The following TNFRSF10A variants were observed in gnomAD, a reference collection of about 807,000 sequenced individuals.
TNFRSF10A encodes the protein TNF receptor superfamily member 10a.
TNFRSF10A carries 44 observed loss-of-function variants against 42.8 expected under a neutral mutation model. The ratio of observed to expected loss-of-function variants is 1.03; its 90% CI spans 0.81 to 1.32. The LOEUF is 1.32. Among genes scored for constraint, TNFRSF10A ranks in the 40% most tolerant of loss-of-function variants. The probability of loss-of-function intolerance (pLI) is 0.00; values close to 1 mark genes in which losing one functional copy is unlikely to be tolerated. For missense variants in TNFRSF10A, 680 were observed against 602.0 expected (o/e 1.13, Z -1.36); for synonymous variants, 259 against 234.2 (o/e 1.11, Z -0.97).
At chr8:23,218,745 C>T (rs1436070008) in intron 1 of TNFRSF10A, among the ~76,000 whole-genome samples, 2 of 152,214 alleles carry the variant, frequency 1.3e-5, no homozygotes, top group Non-Finnish European at 1.5e-5. Flanking sequence ...GACCCAATCA[C>T]TGCTGCTGCC....
intron 2 of TNFRSF10A, among the ~76,000 whole-genome samples, chr8:23,210,168 A>T (rs1801072908): frequency 6.6e-6 from 1 of 152,204 alleles, no homozygotes; most frequent in Admixed American, 6.6e-5. Context: ...TTCTGCAGCC[A>T]CATGGAACTG....
rs776856323 is a variant in TNFRSF10A, at chr8:23,201,925, G to A, written c.518-6C>T. 18 of 1,612,366 alleles carry A rather than the reference G, an allele frequency of 1.1e-5. No homozygotes were observed. The South Asian group carries it at 1.4e-4, about 13-fold the overall frequency. ...GGGACTTCTCTCTTCTTCATCTGAT[G>A]ACAGAGTACAAGGTTTTGGGAATGT... On this transcript the variant is annotated splice_polypyrimidine_tract_variant and splice_region_variant and intron_variant, in intron 3 of 9. Coordinates refer to ENST00000221132, the MANE Select transcript of TNFRSF10A (RefSeq NM_003844.4).
chr8:23,206,697 A>G (rs1332651086), intron 2 of TNFRSF10A, among the ~76,000 whole-genome samples: 1 of 152,162 alleles, frequency 6.6e-6, no homozygotes, highest in African/African-American at 2.4e-5. Flanking sequence ...GAGAGAGCAC[A>G]TTACTACAGA....
chr8:23,203,968 G>GGGTTTCACTA lies in TNFRSF10A; in HGVS notation c.404-1217_404-1208dup, dbSNP rs544491336. On this transcript the variant is annotated intron_variant, in intron 2 of 9. Transcript: ENST00000221132. Reference sequence around the variant, plus strand: ...ATTTTTTGTATTTTTAGTAGAGACGGGGTTTCACTAGGTTTCACCAGGATG... The same window carrying GGGTTTCACTA: ...ATTTTTTGTATTTTTAGTAGAGACGGGGTTTCACTAGGTTTCACTAGGTTTCACCAGGATG... 1.1e-3 allele frequency among the ~76,000 whole-genome samples: 164 copies of GGGTTTCACTA among 152,056 alleles called. 1 individual carries two copies. Among genetic ancestry groups the GGGTTTCACTA allele is most frequent in the African/African-American group, 3.9e-3 (161 of 41,468 alleles).
intron 2 of TNFRSF10A, among the ~76,000 whole-genome samples, chr8:23,205,613 T>C (rs1479945540): frequency 6.6e-6 from 1 of 152,010 alleles, no homozygotes; most frequent in Non-Finnish European, 1.5e-5. Flanking sequence ...CATGTGTGTC[T>C]GCCCCTGAAG....
intron 1 of TNFRSF10A, among the ~76,000 whole-genome samples, chr8:23,212,846 C>A (rs1240881036): frequency 1.3e-5 from 2 of 152,154 alleles, no homozygotes; most frequent in Non-Finnish European, 2.9e-5. Flanking sequence ...GGTTTTTTCT[C>A]CAAGATCAGG....
chr8:23,191,813 C>G lies in TNFRSF10A; in HGVS notation c.1288G>C (p.Asp430His). The change falls in exon 10 of 10, where the codon GAT (aspartate) becomes CAT (histidine). Residue 430 changes from aspartate (D) to histidine (H), a missense_variant. By Grantham distance (81) the Asp-to-His change is moderately conservative. Coordinates refer to ENST00000221132, the MANE Select transcript of TNFRSF10A (RefSeq NM_003844.4). ...GRNASIHTLL[D>H]ALERMEERHA... ...CTCTCTTCCATCCTCTCCAAGGCAT[C>G]CAGCAGGGTGTGGATCGAGGCGTTC... 1 of 1,614,068 alleles carries G rather than the reference C, an allele frequency of 6.2e-7. No individual in the cohort carries two copies.
intron 2 of TNFRSF10A, among the ~76,000 whole-genome samples, chr8:23,203,854 G>A (rs1477878248): frequency 5.3e-5 from 8 of 149,790 alleles, no homozygotes; most frequent in Non-Finnish European, 1.2e-4. Flanking sequence ...TTGGCTCACT[G>A]TAACCTCCGC....
At chr8:23,208,149 A>G (rs529795764) in intron 2 of TNFRSF10A, among the ~76,000 whole-genome samples, 1 of 152,198 alleles carries the variant, frequency 6.6e-6, no homozygotes, top group Non-Finnish European at 1.5e-5. Context: ...ATGATCTCAG[A>G]TGGAGATGAG....
At position 23,191,506 on chromosome 8, in the gene TNFRSF10A, G is replaced by A; in HGVS notation, c.*188C>T. 2.7e-6 allele frequency: 2 copies of A among 735,560 alleles called. No homozygotes were observed. The highest frequency in any genetic ancestry group is 2.7e-5 in the East Asian group (1 of 36,410). The allele number at this position is 735,560 out of a possible 1,614,324, so 45.6% of individuals were successfully genotyped here. ...GTAAAGACGGCATTTCACGATGTTG[G>A]TCAGGCTGGTCTTGAACTTCTGACC... On this transcript the variant is annotated 3_prime_UTR_variant, in exon 10 of 10. Coordinates refer to ENST00000221132, the MANE Select transcript of TNFRSF10A (RefSeq NM_003844.4).
At chr8:23,202,812 G>A (rs1800952671) in intron 2 of TNFRSF10A, 51 bp from the exon 3 acceptor site, 2 of 1,303,460 alleles carry the variant, frequency 1.5e-6, no homozygotes, top group Non-Finnish European at 2.2e-6. Context: ...AGTTCCCAGA[G>A]GATCGTGGCG....
intron 4 of TNFRSF10A, among the ~76,000 whole-genome samples, chr8:23,201,336 CTTA>C (rs1250610623): frequency 6.6e-6 from 1 of 152,026 alleles, no homozygotes; most frequent in South Asian, 2.1e-4. Context: ...CACCCATGGC[CTTA>C]TTATGATTTT....
rs181606656 is a variant in TNFRSF10A at position 23,200,791 on chromosome 8, C to G, written c.630-31G>C. On this transcript the variant is annotated intron_variant, in intron 4 of 9. Coordinates refer to ENST00000221132, the MANE Select transcript of TNFRSF10A (RefSeq NM_003844.4). ...TACACACAGGGAGGGAGGGGGGGGA[C>G]TCTTGATGGAAAGCTGGCCAGGTGG... The G allele has an allele frequency of 3.1e-5, 49 of 1,586,762 alleles. No homozygotes were observed. In the South Asian group the frequency reaches 4.8e-4, roughly 15 times the overall value.
At chr8:23,221,481 C>T (rs1457863915) in intron 1 of TNFRSF10A, among the ~76,000 whole-genome samples, 4 of 152,182 alleles carry the variant, frequency 2.6e-5, no homozygotes, top group African/African-American at 9.7e-5. Flanking sequence ...GGACCTGGCA[C>T]AGAGATTGGG....
At chr8:23,224,656 G>C in intron 1 of TNFRSF10A, 100 bp downstream of exon 1, 1 of 1,414,598 alleles carries the variant, frequency 7.1e-7, no homozygotes, top group East Asian at 2.6e-5. Context: ...CCCGCCACAA[G>C]TGACCCGGGC....
At chr8:23,218,762 G>T (rs1801218041) in intron 1 of TNFRSF10A, among the ~76,000 whole-genome samples, 1 of 152,170 alleles carries the variant, frequency 6.6e-6, no homozygotes. Context: ...TGCCCCGAGG[G>T]TTGCTCATCC....
rs915221085 is a variant in TNFRSF10A, at chr8:23,215,832, T to C, written c.307-3620A>G. On this transcript the variant is annotated intron_variant, in intron 1 of 9. Transcript: ENST00000221132. ...TTGGTTTATTACTTTTTTTTTTTTT[T>C]CCTGAGATGGAGTTTTACTCTTGTT... Among the ~76,000 whole-genome samples, 15 of 151,842 alleles carry C rather than the reference T, an allele frequency of 9.9e-5. No individual in the cohort carries two copies. The East Asian group carries it at 1.9e-3, about 20-fold the overall frequency.
At chr8:23,216,381 T>C (rs955296056) in intron 1 of TNFRSF10A, among the ~76,000 whole-genome samples, 1 of 152,206 alleles carries the variant, frequency 6.6e-6, no homozygotes, top group African/African-American at 2.4e-5. Context: ...TTCTTTCCTT[T>C]AAATATATTT....
chr8:23,217,119 G>GA (rs1314697553), intron 1 of TNFRSF10A, among the ~76,000 whole-genome samples: 1 of 152,156 alleles, frequency 6.6e-6, no homozygotes, highest in Non-Finnish European at 1.5e-5. Flanking sequence ...GGGGTGACAT[G>GA]ATCTCCCTTT....
Sources: allele counts gnomAD v4.1 joint callset (sites outside exome capture counted in the v4.1 genomes callset), GRCh38; gene constraint gnomAD v4.1.1; transcripts MANE v1.5; gene names NCBI Gene and HGNC (gene_info 2026-07-23, HGNC 2026-07-21).